Variants in CNTNAP5 observed in about 807,000 individuals in gnomAD.
CNTNAP5 encodes contactin associated protein family member 5, also known as contactin-associated protein-like 5.
In CNTNAP5, 72 loss-of-function variants were observed where a neutral mutation model predicts 150.2. That is an observed-to-expected ratio of 0.48 (90% confidence interval 0.40 to 0.58). The LOEUF (loss-of-function observed/expected upper bound fraction) is 0.58. CNTNAP5 is among the 20% of genes least tolerant of loss of function. The probability of loss-of-function intolerance (pLI) is 0.00; values close to 1 mark genes in which losing one functional copy is unlikely to be tolerated. For synonymous variants in CNTNAP5, 672 were observed against 619.8 expected, an observed-to-expected ratio of 1.08 and a Z score of -1.25; for missense variants, 1,636 against 1,626.2, an observed-to-expected ratio of 1.01 and a Z score of -0.10.
chr2:124,119,495 T>C (rs1683510475), intron 1 of CNTNAP5, among the ~76,000 whole-genome samples: 1 of 152,130 alleles, frequency 6.6e-6, no homozygotes. Context: ...AACAAAACAC[T>C]TTCAATTTTT....
intron 13 of CNTNAP5, among the ~76,000 whole-genome samples, chr2:124,737,371 A>C (rs368348050): frequency 1.3e-5 from 2 of 152,172 alleles, no homozygotes; most frequent in East Asian, 3.9e-4. Flanking sequence ...TTAAATGGTT[A>C]ATTTCAGGAC....
At chr2:124,472,245 A>G (rs1558917459) in intron 6 of CNTNAP5, among the ~76,000 whole-genome samples, 1 of 152,072 alleles carries the variant, frequency 6.6e-6, no homozygotes, top group Non-Finnish European at 1.5e-5. Context: ...TGTCACATGG[A>G]TTTTTGAAAT....
At chr2:124,771,273 A>C (rs1013423513) in intron 16 of CNTNAP5, among the ~76,000 whole-genome samples, 4 of 152,154 alleles carry the variant, frequency 2.6e-5, no homozygotes, top group Non-Finnish European at 1.5e-5. Context: ...CCTAGAAAAA[A>C]AGGAATGCCT....
intron 3 of CNTNAP5, among the ~76,000 whole-genome samples, chr2:124,398,991 T>C (rs781673468): frequency 1.4e-4 from 22 of 152,312 alleles, no homozygotes; most frequent in Non-Finnish European, 2.9e-4. Flanking sequence ...ACAGTAAATA[T>C]CCAGTAATTC....
intron 3 of CNTNAP5, among the ~76,000 whole-genome samples, chr2:124,392,755 A>G (rs1006381452): frequency 5.3e-5 from 8 of 150,312 alleles, no homozygotes; most frequent in Non-Finnish European, 1.2e-4. Context: ...GAAGGGAAGG[A>G]GAATGAAAAA....
chr2:124,361,423 T>TC (rs1212168594), intron 3 of CNTNAP5, among the ~76,000 whole-genome samples: 1 of 143,484 alleles, frequency 7.0e-6, no homozygotes, highest in East Asian at 2.1e-4. Context: ...TTCTGTTTTT[T>TC]CCCCATCTTT....
intron 3 of CNTNAP5, among the ~76,000 whole-genome samples, chr2:124,249,386 CTGA>C (rs1201329114): frequency 6.6e-6 from 1 of 152,132 alleles, no homozygotes; most frequent in African/African-American, 2.4e-5. Context: ...CCTTTTAAGT[CTGA>C]TAAGAAACAT....
chr2:124,281,809 A>C (rs1394425165), intron 3 of CNTNAP5, among the ~76,000 whole-genome samples: 1 of 152,148 alleles, frequency 6.6e-6, no homozygotes, highest in Non-Finnish European at 1.5e-5. Context: ...AGAAAGCGAG[A>C]GGCATCTTTT....
intron 1 of CNTNAP5, among the ~76,000 whole-genome samples, chr2:124,034,724 T>C (rs1681163551): frequency 6.6e-6 from 1 of 152,190 alleles, no homozygotes; most frequent in Non-Finnish European, 1.5e-5. Context: ...AGAAAGATCC[T>C]TAAACAGACC....
intron 1 of CNTNAP5, among the ~76,000 whole-genome samples, chr2:124,216,592 A>T (rs1004140362): frequency 1.3e-5 from 2 of 151,848 alleles, no homozygotes; most frequent in Admixed American, 6.6e-5. Context: ...TCCTTTGTCC[A>T]TGTGTTCTCA....
chr2:124,812,295 C>A (rs1327755187), intron 19 of CNTNAP5, among the ~76,000 whole-genome samples: 1 of 148,278 alleles, frequency 6.7e-6, no homozygotes, highest in Non-Finnish European at 1.5e-5. Flanking sequence ...CTGGTTCAGG[C>A]CTTAATCTCC....
intron 1 of CNTNAP5, among the ~76,000 whole-genome samples, chr2:124,080,896 C>T (rs1682546031): frequency 6.6e-6 from 1 of 152,112 alleles, no homozygotes; most frequent in African/African-American, 2.4e-5. Context: ...TTTTCCAGGG[C>T]CCCAGTCACG....
intron 19 of CNTNAP5, among the ~76,000 whole-genome samples, chr2:124,806,915 C>CTTT (rs34184441): frequency 1.1e-3 from 163 of 144,156 alleles, no homozygotes; most frequent in Middle Eastern, 3.6e-3. Context: ...CTTTATTTTA[C>CTTT]TTTTTTTTTT....
At chr2:124,036,422 CCT>C (rs1385075036) in intron 1 of CNTNAP5, among the ~76,000 whole-genome samples, 1 of 151,992 alleles carries the variant, frequency 6.6e-6, no homozygotes, top group Non-Finnish European at 1.5e-5. Flanking sequence ...ACTGCTCGCC[CCT>C]GTTACGGTCA....
At chr2:124,077,116 G>A (rs1682455662) in intron 1 of CNTNAP5, among the ~76,000 whole-genome samples, 1 of 152,138 alleles carries the variant, frequency 6.6e-6, no homozygotes, top group Non-Finnish European at 1.5e-5. Flanking sequence ...GTGAGGCACA[G>A]TGGCATATAC....
At chr2:124,680,418 C>A (rs1679039495) in intron 13 of CNTNAP5, among the ~76,000 whole-genome samples, 1 of 151,904 alleles carries the variant, frequency 6.6e-6, no homozygotes, top group East Asian at 1.9e-4. Flanking sequence ...AACTGCATTC[C>A]TGTGGCTTGC....
At chr2:124,556,486 G>A (rs1204633231) in intron 10 of CNTNAP5, among the ~76,000 whole-genome samples, 1 of 152,168 alleles carries the variant, frequency 6.6e-6, no homozygotes, top group Non-Finnish European at 1.5e-5. Context: ...CTAGTTTAAG[G>A]TTATTGTATT....
rs373165860 is a variant in CNTNAP5, at chr2:124,867,789, C to CT, written c.3349-1885dup. On this transcript the variant is annotated intron_variant, in intron 20 of 23. Transcript: ENST00000682447. ...TGATGAATCAATCCTGAATGTGTATCTAACACTAATCCTGTCCCTGGATTC... is the reference window on the plus strand; with the variant it reads ...TGATGAATCAATCCTGAATGTGTATCTTAACACTAATCCTGTCCCTGGATTC... 2.9e-4 allele frequency among the ~76,000 whole-genome samples: 44 copies of CT among 152,294 alleles called. 1 individual carries two copies. The highest frequency in any genetic ancestry group is 3.4e-3 in the Middle Eastern group (1 of 294).
chr2:124,635,346 T>G (rs571661838), intron 12 of CNTNAP5, among the ~76,000 whole-genome samples: 1 of 152,192 alleles, frequency 6.6e-6, no homozygotes, highest in South Asian at 2.1e-4. Context: ...CATTAGAAAT[T>G]GCCACCATGT....
Sources: gnomAD v4.1 joint callset for allele counts (sites outside exome capture counted in the v4.1 genomes callset) on GRCh38, gnomAD v4.1.1 for gene constraint, MANE v1.5 for transcripts, NCBI Gene and HGNC (gene_info 2026-07-23, HGNC 2026-07-21) for gene names.